The following SMARCAL1 variants were observed in gnomAD, a reference collection of about 807,000 sequenced individuals.
The protein encoded by SMARCAL1 is SNF2 related chromatin remodeling annealing helicase 1, also known as ATP-driven annealing helicase.
A neutral mutation model predicts 94.5 loss-of-function variants in SMARCAL1; 58 were observed. That is an observed-to-expected ratio of 0.61 (90% confidence interval 0.50 to 0.76). The LOEUF is 0.76. Ranked by LOEUF, SMARCAL1 falls within the 30% of genes least tolerant of loss-of-function variation. SMARCAL1 has a pLI of 0.00. For synonymous variants in SMARCAL1, 422 were observed against 455.1 expected, an observed-to-expected ratio of 0.93 and a Z score of 0.93; for missense variants, 1,051 against 1,177.9, an observed-to-expected ratio of 0.89 and a Z score of 1.58.
chr2:216,440,156 G>A (rs1304275136), intron 10 of SMARCAL1, among the ~76,000 whole-genome samples: 1 of 152,052 alleles, frequency 6.6e-6, no homozygotes, highest in Non-Finnish European at 1.5e-5. Context: ...CTAGGTTGAT[G>A]ACCCTTCTTT....
At chr2:216,459,997 C>T (rs995367547) in intron 12 of SMARCAL1, among the ~76,000 whole-genome samples, 25 of 152,124 alleles carry the variant, frequency 1.6e-4, no homozygotes, top group Middle Eastern at 6.3e-3. Flanking sequence ...AAGAAAAAAA[C>T]GAACAACCCC....
At chr2:216,456,731 T>C (rs1694576702) in intron 12 of SMARCAL1, among the ~76,000 whole-genome samples, 1 of 152,240 alleles carries the variant, frequency 6.6e-6, no homozygotes, top group South Asian at 2.1e-4. Flanking sequence ...TATCAGCCAC[T>C]GCAAAAACAT....
intron 13 of SMARCAL1, 86 bp from the exon 14 acceptor site, chr2:216,467,858 A>G: frequency 1.2e-6 from 1 of 843,776 alleles, no homozygotes; most frequent in Non-Finnish European, 2.0e-6. Context: ...ATCCCAGATA[A>G]TAAGAATGTT....
At chr2:216,413,208 T>G (rs900399249) in intron 1 of SMARCAL1, among the ~76,000 whole-genome samples, 1 of 152,056 alleles carries the variant, frequency 6.6e-6, no homozygotes, top group Non-Finnish European at 1.5e-5. Flanking sequence ...AAGGAAGGCT[T>G]TGAACCCTAT....
At chr2:216,445,623 T>C (rs1328961064) in intron 10 of SMARCAL1, among the ~76,000 whole-genome samples, 1 of 152,168 alleles carries the variant, frequency 6.6e-6, no homozygotes, top group South Asian at 2.1e-4. Context: ...CCCTTTTTCA[T>C]TGAAATGATC....
chr2:216,455,390 A>G (rs1279649634), intron 12 of SMARCAL1, among the ~76,000 whole-genome samples: 2 of 152,224 alleles, frequency 1.3e-5, no homozygotes, highest in African/African-American at 4.8e-5. Context: ...CTGAGAACGG[A>G]TAGACTGCCT....
intron 11 of SMARCAL1, among the ~76,000 whole-genome samples, chr2:216,447,513 C>G (rs1448191659): frequency 6.6e-6 from 1 of 152,032 alleles, no homozygotes; most frequent in Admixed American, 6.6e-5. Context: ...AAAGGAAAGT[C>G]CTTGTCAAGT....
chr2:216,451,781 A>G (rs1206170392), intron 12 of SMARCAL1, among the ~76,000 whole-genome samples: 1 of 151,966 alleles, frequency 6.6e-6, no homozygotes, highest in Non-Finnish European at 1.5e-5. Context: ...GCTAAGTGCT[A>G]TAATCTACAC....
chr2:216,432,932 T>C, intron 8 of SMARCAL1, 64 bp downstream of exon 8: 1 of 1,598,580 alleles, frequency 6.3e-7, no homozygotes, highest in African/African-American at 1.3e-5. Context: ...AGTCATAAAA[T>C]AATGGTTTGC....
Position 216,477,160 on chromosome 2 carries a change from G to T in SMARCAL1, c.2479G>T (p.Val827Leu), listed in dbSNP as rs146849562. Residue 827 changes from valine (V) to leucine (L), a missense_variant, in exon 16 of 18, where the codon GTG becomes TTG. Val to Leu is a conservative substitution (Grantham distance 32). Coordinates refer to ENST00000357276, the MANE Select transcript of SMARCAL1 (RefSeq NM_014140.4). Reference sequence around the variant, plus strand: ...GCACCGCATTGGACAGACCAGCTCCGTGGGCATTCACTACCTCGTGGCAAA... The same window carrying T: ...GCACCGCATTGGACAGACCAGCTCCTTGGGCATTCACTACCTCGTGGCAAA... ...RVHRIGQTSSVGIHYLVAKGT... is the reference protein window; with the variant it reads ...RVHRIGQTSSLGIHYLVAKGT... 6.3e-7 allele frequency: 1 copy of T among 1,597,142 alleles called. No homozygotes were observed.
In SMARCAL1 at chr2:216,482,429, A is replaced by C. The variant is rs1029549349; in HGVS notation, c.2626-309A>C. On this transcript the variant is annotated intron_variant, in intron 17 of 17. Transcript: ENST00000357276. The surrounding 1 kb of genome is among the most constrained non-coding windows in gnomAD (Gnocchi z 4.3). ...TTTCAGTATTGAAATAATGATTTGG[A>C]AAGTTCAAAGGGAGAAAACATTTCC... is the stretch of plus-strand genomic sequence containing the variant. Among the ~76,000 whole-genome samples, 1 of 152,230 alleles carries C rather than the reference A, an allele frequency of 6.6e-6. No homozygotes were observed. Among genetic ancestry groups the C allele is most frequent in the Non-Finnish European group, 1.5e-5 (1 of 68,050 alleles).
intron 12 of SMARCAL1, among the ~76,000 whole-genome samples, chr2:216,463,197 G>A (rs74642785): frequency 0.032 from 4,819 of 152,298 alleles, 106 homozygotes; most frequent in Non-Finnish European, 0.048. Flanking sequence ...ATCTTACAGA[G>A]GCCAGGCACA....
At chr2:216,456,793 G>A (rs1276114502) in intron 12 of SMARCAL1, among the ~76,000 whole-genome samples, 1 of 152,112 alleles carries the variant, frequency 6.6e-6, no homozygotes, top group Non-Finnish European at 1.5e-5. Context: ...CAACTAACGA[G>A]CAAAATAACC....
intron 11 of SMARCAL1, 44 bp downstream of exon 11, chr2:216,447,202 T>A (rs1285720470): frequency 7.3e-7 from 1 of 1,366,940 alleles, no homozygotes; most frequent in East Asian, 2.6e-5. Context: ...TTTCTCACCC[T>A]GATTTTGACA....
In SMARCAL1 at chr2:216,415,303, C is replaced by T. The variant is rs777896137; in HGVS notation, c.599C>T (p.Ser200Leu). 1.9e-5 allele frequency: 30 copies of T among 1,614,128 alleles called. No homozygotes were observed. The highest frequency in any genetic ancestry group is 1.0e-4 in the Admixed American group (6 of 60,014). ...GCCAAGACAGCAAAAGCCTCCCCTT[C>T]GGGGCAGAACATTTCTTACATCCAT... ...LEAKTAKASP[S>L]GQNISYIHSS... Residue 200 changes from serine (S) to leucine (L), a missense_variant, in exon 3 of 18, where the codon TCG becomes TTG. Ser to Leu is a moderately radical substitution (Grantham distance 145). This residue lies in a region of SMARCAL1 where 398 missense variants were observed against 395.2 expected (regional missense o/e 1.01). Coordinates refer to ENST00000357276, the MANE Select transcript of SMARCAL1 (RefSeq NM_014140.4).
In SMARCAL1 at chr2:216,416,255, A is replaced by G. The variant is rs1248072601; in HGVS notation, c.812-2A>G. 1 of 1,613,388 alleles carries G rather than the reference A, an allele frequency of 6.2e-7. No homozygotes were observed. The highest frequency in any genetic ancestry group is 8.5e-7 in the Non-Finnish European group (1 of 1,179,382). On this transcript the variant is annotated splice_acceptor_variant, in intron 3 of 17. Transcript: ENST00000357276. LOFTEE classifies it high-confidence loss of function. ...AGTCATCAGTCCTCTGTTTTGTTTC[A>G]GATCCTGACACCAAGACGTGGAACT... is the stretch of plus-strand genomic sequence containing the variant.
At chr2:216,463,329 A>G (rs1007361188) in intron 12 of SMARCAL1, among the ~76,000 whole-genome samples, 6 of 152,162 alleles carry the variant, frequency 3.9e-5, no homozygotes, top group Admixed American at 6.5e-5. Flanking sequence ...TGTATTGCTC[A>G]TGGTTTTAGG....
At chr2:216,481,502 T>TA (rs1297460118) in intron 17 of SMARCAL1, among the ~76,000 whole-genome samples, 2 of 148,994 alleles carry the variant, frequency 1.3e-5, no homozygotes, top group African/African-American at 5.0e-5. Flanking sequence ...GCCTTATTTT[T>TA]ATGTATTTAT....
intron 14 of SMARCAL1, among the ~76,000 whole-genome samples, chr2:216,470,418 A>ATGC (rs1694937541): frequency 1.3e-5 from 2 of 151,924 alleles, no homozygotes; most frequent in South Asian, 4.1e-4. Flanking sequence ...GCCTCTCAAA[A>ATGC]TGCTGGGATT....
Sources: gnomAD v4.1 joint callset for allele counts (sites outside exome capture counted in the v4.1 genomes callset) on GRCh38, gnomAD v4.1.1 for gene constraint, gnomAD v4.1.1 regional missense constraint, Gnocchi (gnomAD v3.1) non-coding constraint, MANE v1.5 for transcripts, NCBI Gene and HGNC (gene_info 2026-07-23, HGNC 2026-07-21) for gene names.